The following SGCZ variants were observed in gnomAD, a reference collection of about 807,000 sequenced individuals.
SGCZ encodes zeta-sarcoglycan.
SGCZ carries 40 observed loss-of-function variants against 41.3 expected under a neutral mutation model. That is an observed-to-expected ratio of 0.97 (90% confidence interval 0.75 to 1.26). The LOEUF (loss-of-function observed/expected upper bound fraction) is 1.26, where lower values mean the gene tolerates loss of function less well. SGCZ is among the 50% of genes most tolerant of loss of function. The pLI is 0.00. For synonymous variants in SGCZ, 206 were observed against 137.5 expected (o/e 1.50, Z -3.49); for missense variants, 552 against 369.8 (o/e 1.49, Z -4.04).
intron 1 of SGCZ, among the ~76,000 whole-genome samples, chr8:15,194,413 T>A (rs1800650858): frequency 6.6e-6 from 1 of 152,142 alleles, no homozygotes; most frequent in Non-Finnish European, 1.5e-5. Context: ...TACAATAATA[T>A]TCCCCCATAC....
intron 1 of SGCZ, among the ~76,000 whole-genome samples, chr8:14,834,847 G>C (rs1802643541): frequency 6.6e-6 from 1 of 152,184 alleles, no homozygotes; most frequent in Non-Finnish European, 1.5e-5. Context: ...AGGAGCTTGA[G>C]CAAGTTACTT....
At chr8:15,198,585 T>C (rs1380785190) in intron 1 of SGCZ, among the ~76,000 whole-genome samples, 1 of 152,180 alleles carries the variant, frequency 6.6e-6, no homozygotes, top group Non-Finnish European at 1.5e-5. Context: ...TAACGCATAA[T>C]ATCAAGTAGC....
intron 5 of SGCZ, among the ~76,000 whole-genome samples, chr8:14,158,804 T>G (rs1050333634): frequency 2.0e-5 from 3 of 152,328 alleles, no homozygotes; most frequent in African/African-American, 7.2e-5. Context: ...AGTCTCAATC[T>G]GTTGCCCAGG....
At chr8:15,021,499 T>A (rs573091878) in intron 1 of SGCZ, among the ~76,000 whole-genome samples, 1 of 152,182 alleles carries the variant, frequency 6.6e-6, no homozygotes, top group East Asian at 1.9e-4. Context: ...AACTTATAAG[T>A]CAAAAAGGGA....
At chr8:14,585,361 A>G (rs1805023557) in intron 1 of SGCZ, among the ~76,000 whole-genome samples, 1 of 152,106 alleles carries the variant, frequency 6.6e-6, no homozygotes, top group Non-Finnish European at 1.5e-5. Context: ...AAAATTTCAT[A>G]CTGTATTTAT....
At chr8:14,642,949 A>G (rs1807077194) in intron 1 of SGCZ, among the ~76,000 whole-genome samples, 1 of 151,520 alleles carries the variant, frequency 6.6e-6, no homozygotes, top group Non-Finnish European at 1.5e-5. Flanking sequence ...TCACACCTCG[A>G]TATATTGCAA....
intron 3 of SGCZ, chr8:14,309,677 A>G: frequency 1.2e-6 from 2 of 1,610,304 alleles, no homozygotes; most frequent in East Asian, 4.5e-5. Context: ...TTGTTTAAGA[A>G]GACACCTTCT....
At chr8:14,224,593 A>C (rs887303629) in intron 4 of SGCZ, among the ~76,000 whole-genome samples, 1 of 152,028 alleles carries the variant, frequency 6.6e-6, no homozygotes, top group African/African-American at 2.4e-5. Context: ...TTTATTTATT[A>C]CTTTATTACG....
chr8:14,504,923 C>T (rs1802260996), intron 2 of SGCZ, among the ~76,000 whole-genome samples: 1 of 152,112 alleles, frequency 6.6e-6, no homozygotes, highest in Non-Finnish European at 1.5e-5. Context: ...CTACCCTTTA[C>T]CAATGAAAGA....
At chr8:14,706,962 T>A (rs978927347) in intron 1 of SGCZ, among the ~76,000 whole-genome samples, 1 of 151,398 alleles carries the variant, frequency 6.6e-6, no homozygotes, top group East Asian at 1.9e-4. Flanking sequence ...CAAAACTTTA[T>A]GTTGTCATTT....
At chr8:14,826,580 T>A (rs1439113361) in intron 1 of SGCZ, among the ~76,000 whole-genome samples, 2 of 152,160 alleles carry the variant, frequency 1.3e-5, no homozygotes, top group African/African-American at 4.8e-5. Context: ...TTTCTCCACA[T>A]CCTCTCCAGC....
chr8:14,317,947 A>C (rs1243262535), intron 3 of SGCZ, among the ~76,000 whole-genome samples: 1 of 151,990 alleles, frequency 6.6e-6, no homozygotes, highest in Non-Finnish European at 1.5e-5. Context: ...AAATAGCAAA[A>C]ACAAAGGAAT....
At chr8:14,962,237 T>C (rs1265326941) in intron 1 of SGCZ, among the ~76,000 whole-genome samples, 1 of 152,144 alleles carries the variant, frequency 6.6e-6, no homozygotes, top group Admixed American at 6.6e-5. Context: ...AGCTGAAGAC[T>C]TCTCATATAG....
intron 2 of SGCZ, among the ~76,000 whole-genome samples, chr8:14,535,320 A>T (rs1803259556): frequency 6.6e-6 from 1 of 151,952 alleles, no homozygotes; most frequent in South Asian, 2.1e-4. Flanking sequence ...ACAGGAAAAA[A>T]AAAAGTCTGC....
intron 1 of SGCZ, among the ~76,000 whole-genome samples, chr8:14,753,109 A>C (rs192658215): frequency 9.0e-4 from 137 of 152,238 alleles, no homozygotes; most frequent in Non-Finnish European, 1.8e-4. Context: ...TTGGAGGCAA[A>C]TATGTGGGCT....
chr8:14,798,229 G>A (rs530945960), intron 1 of SGCZ, among the ~76,000 whole-genome samples: 1 of 152,254 alleles, frequency 6.6e-6, no homozygotes, highest in East Asian at 1.9e-4. Flanking sequence ...AAAAATCATT[G>A]ACCCAATGAG....
intron 3 of SGCZ, among the ~76,000 whole-genome samples, chr8:14,314,509 G>T (rs945896735): frequency 6.6e-6 from 1 of 152,094 alleles, no homozygotes; most frequent in African/African-American, 2.4e-5. Context: ...ATGATTTGAG[G>T]CAACTGAATT....
Position 15,107,996 on chromosome 8 carries a change from C to T in SGCZ, c.39+129589G>A, listed in dbSNP as rs546833671. On this transcript the variant is annotated intron_variant, in intron 1 of 7. Coordinates refer to ENST00000382080, the MANE Select transcript of SGCZ (RefSeq NM_139167.4). ...TGTAGTTATTCTGCTGATCTCATTT[C>T]GAATTTATACAGTCTTATTTTCCAA... is the stretch of plus-strand genomic sequence containing the variant. Among the ~76,000 whole-genome samples, 58 of 152,134 alleles carry T rather than the reference C, an allele frequency of 3.8e-4. 1 individual carries two copies. The highest frequency in any genetic ancestry group is 2.9e-3 in the South Asian group (14 of 4,822).
chr8:14,264,552 G>C (rs982900176), intron 3 of SGCZ, among the ~76,000 whole-genome samples: 3 of 152,152 alleles, frequency 2.0e-5, no homozygotes, highest in African/African-American at 7.2e-5. Flanking sequence ...AACACCTGCA[G>C]ACTAGTAACA....
Sources: allele counts gnomAD v4.1 joint callset (sites outside exome capture counted in the v4.1 genomes callset), GRCh38; gene constraint gnomAD v4.1.1; transcripts MANE v1.5; gene names NCBI Gene and HGNC (gene_info 2026-07-23, HGNC 2026-07-21).